Variants in TTBK2 observed in about 807,000 individuals in gnomAD.
TTBK2 encodes tau-tubulin kinase 2.
Under a neutral mutation model 110.8 loss-of-function variants are expected in TTBK2, and 28 were observed. The observed-to-expected ratio is 0.25, with a 90% confidence interval of 0.19 to 0.35. The LOEUF (loss-of-function observed/expected upper bound fraction) is 0.35, where lower values mean the gene tolerates loss of function less well. Among genes scored for constraint, TTBK2 ranks in the 10% least tolerant of loss-of-function variants. The probability of loss-of-function intolerance (pLI) is 1.00; values close to 1 mark genes in which losing one functional copy is unlikely to be tolerated. For missense variants in TTBK2, 1,369 were observed against 1,500.3 expected, an observed-to-expected ratio of 0.91 and a Z score of 1.45; for synonymous variants, 532 against 527.3, an observed-to-expected ratio of 1.01 and a Z score of -0.12.
Position 42,783,448 on chromosome 15 carries a change from TG to T in TTBK2, c.1167del (p.Asn389LysfsTer5). 6.2e-7 allele frequency: 1 copy of T among 1,614,180 alleles called. No individual in the cohort carries two copies. Among genetic ancestry groups the T allele is most frequent in the Non-Finnish European group, 8.5e-7 (1 of 1,180,006 alleles). On this transcript the variant is annotated frameshift_variant, in exon 11 of 15. Coordinates refer to ENST00000267890, the MANE Select transcript of TTBK2 (RefSeq NM_173500.4). LOFTEE classifies it high-confidence loss of function. ...EKDVWEEMDA[N>X]KNKIKLGICK... is the part of the protein sequence containing the mutation. ...CAAATTCCAAGCTTTATCTTGTTTTTGTTGGCATCCATCTCTTCCCAAACAT... is the reference window on the plus strand; with the variant it reads ...CAAATTCCAAGCTTTATCTTGTTTTTTTGGCATCCATCTCTTCCCAAACAT...
In TTBK2 at chr15:42,878,656, C is replaced by T; in HGVS notation, c.-39G>A. 6.2e-7 allele frequency: 1 copy of T among 1,613,620 alleles called. No homozygotes were observed. On this transcript the variant is annotated 5_prime_UTR_variant, in exon 2 of 15. An upstream open reading frame in the 5' UTR gains an earlier in-frame stop. Coordinates refer to ENST00000267890, the MANE Select transcript of TTBK2 (RefSeq NM_173500.4). ...TATGGTAGAACAGCTACACAGGCAT[C>T]CAGTTCCCAAGGGTGGTTTCCATTT...
Position 42,752,500 on chromosome 15 carries a change from G to T in TTBK2, c.2746C>A (p.Leu916Ile), listed in dbSNP as rs371807025. Reference protein sequence around the residue: ...REKITPRNGELFHCVSENEHG... With the variant: ...REKITPRNGEIFHCVSENEHG... Reference sequence around the variant, plus strand: ...TCATTCTCTGAAACACAATGAAATAGTTCTCCATTTCTAGGGGTGATTTTC... The same window carrying T: ...TCATTCTCTGAAACACAATGAAATATTTCTCCATTTCTAGGGGTGATTTTC... Residue 916 changes from leucine to isoleucine, a missense_variant, in exon 14 of 15, where the codon CTA (leucine) becomes ATA (isoleucine). Physicochemically the swap from Leu to Ile is conservative, Grantham distance 5. Coordinates refer to ENST00000267890, the MANE Select transcript of TTBK2 (RefSeq NM_173500.4). 4.9e-5 allele frequency: 79 copies of T among 1,614,076 alleles called. No individual in the cohort carries two copies. Among genetic ancestry groups the T allele is most frequent in the Non-Finnish European group, 6.4e-5 (75 of 1,180,044 alleles).
intron 13 of TTBK2, among the ~76,000 whole-genome samples, chr15:42,763,175 T>TATATAC (rs1567008942): frequency 2.1e-4 from 4 of 19,066 alleles, no homozygotes; most frequent in South Asian, 1.6e-3. Flanking sequence ...TATATATATA[T>TATATAC]ATATATATAT....
intron 4 of TTBK2, among the ~76,000 whole-genome samples, chr15:42,838,353 GGTGTGTGT>G (rs376921873): frequency 2.2e-3 from 327 of 148,032 alleles, no homozygotes; most frequent in African/African-American, 7.7e-3. Context: ...TATAATTCAG[GGTGTGTGT>G]GTGTGTGTGT....
In TTBK2 at chr15:42,797,906, C is replaced by T. The variant is rs774012430; in HGVS notation, c.823-3105G>A. Among the ~76,000 whole-genome samples the T allele has an allele frequency of 2.6e-5, 4 of 151,758 alleles. No homozygotes were observed. In the South Asian group the frequency reaches 6.2e-4, roughly 24 times the overall value. ...TATTTTTATTTATTTATTTTTGAGA[C>T]GGAGTCTCACTTTCTTGCCCAGGCT... On this transcript the variant is annotated intron_variant, in intron 9 of 14. Transcript: ENST00000267890.
chr15:42,778,324 T>C (rs139650811), intron 11 of TTBK2, among the ~76,000 whole-genome samples: 1 of 150,558 alleles, frequency 6.6e-6, no homozygotes, highest in Non-Finnish European at 1.5e-5. Flanking sequence ...TTGAAATTAT[T>C]AATTAGTGAA....
chr15:42,773,944 G>C (rs1249205507), intron 13 of TTBK2, among the ~76,000 whole-genome samples: 1 of 152,196 alleles, frequency 6.6e-6, no homozygotes, highest in East Asian at 1.9e-4. Flanking sequence ...GTCTGGGGTA[G>C]ATTTCAGCCC....
At chr15:42,902,014 G>C (rs957320537) in intron 1 of TTBK2, among the ~76,000 whole-genome samples, 1 of 151,950 alleles carries the variant, frequency 6.6e-6, no homozygotes, top group Admixed American at 6.6e-5. Flanking sequence ...TCAGGAGTTC[G>C]AGACCATCCT....
chr15:42,786,133 GAAA>G (rs11299124), intron 10 of TTBK2, among the ~76,000 whole-genome samples: 4 of 150,180 alleles, frequency 2.7e-5, no homozygotes, highest in African/African-American at 7.4e-5. Context: ...AAAAAAGAAA[GAAA>G]AAAAAAAAAA....
At chr15:42,811,122 C>T (rs1404165708) in intron 8 of TTBK2, among the ~76,000 whole-genome samples, 7 of 152,250 alleles carry the variant, frequency 4.6e-5, no homozygotes, top group African/African-American at 1.7e-4. Flanking sequence ...TCCCAAATAG[C>T]TGGGACTATA....
chr15:42,814,163 A>C (rs1291685012), intron 7 of TTBK2, among the ~76,000 whole-genome samples: 2 of 152,060 alleles, frequency 1.3e-5, no homozygotes, highest in African/African-American at 4.8e-5. Flanking sequence ...CTGAGATTAC[A>C]GGCGCCCGCC....
chr15:42,747,398 C>G (rs541554169), intron 14 of TTBK2, among the ~76,000 whole-genome samples: 73 of 152,300 alleles, frequency 4.8e-4, no homozygotes, highest in Non-Finnish European at 9.3e-4. Flanking sequence ...AACTACAAAG[C>G]AGTGGTCCCC....
chr15:42,755,614 T>C (rs993089046), intron 13 of TTBK2, among the ~76,000 whole-genome samples: 4 of 152,236 alleles, frequency 2.6e-5, no homozygotes, highest in Admixed American at 1.3e-4. Flanking sequence ...GCTAAACTCT[T>C]AGAATAAGCA....
intron 1 of TTBK2, among the ~76,000 whole-genome samples, chr15:42,887,373 A>G (rs962916346): frequency 2.6e-5 from 4 of 152,096 alleles, no homozygotes; most frequent in Non-Finnish European, 2.9e-5. Flanking sequence ...CCACAAGTAT[A>G]GGATACCTCT....
At chr15:42,906,418 CTAATA>C in intron 1 of TTBK2, among the ~76,000 whole-genome samples, 1 of 152,256 alleles carries the variant, frequency 6.6e-6, no homozygotes, top group African/African-American at 2.4e-5. Context: ...AATTACCATA[CTAATA>C]TGATTACAAA....
chr15:42,754,908 T>C (rs979004256), intron 13 of TTBK2, among the ~76,000 whole-genome samples: 1 of 148,048 alleles, frequency 6.8e-6, no homozygotes, highest in African/African-American at 2.5e-5. Flanking sequence ...CTCAGGAGGC[T>C]GAGGCAGGAG....
intron 3 of TTBK2, among the ~76,000 whole-genome samples, chr15:42,872,263 T>C (rs1894643537): frequency 1.3e-5 from 2 of 152,130 alleles, no homozygotes; most frequent in Non-Finnish European, 2.9e-5. Flanking sequence ...AAGACTTGAG[T>C]AGAGACAACT....
intron 11 of TTBK2, among the ~76,000 whole-genome samples, chr15:42,782,225 C>T (rs1041669750): frequency 3.9e-5 from 6 of 152,136 alleles, no homozygotes; most frequent in Non-Finnish European, 7.4e-5. Flanking sequence ...GCACCCACCA[C>T]CAAACCCTGC....
intron 13 of TTBK2, among the ~76,000 whole-genome samples, chr15:42,757,873 A>G (rs1185483292): frequency 1.3e-5 from 2 of 152,148 alleles, no homozygotes; most frequent in Non-Finnish European, 2.9e-5. Context: ...AAGGATCTCA[A>G]TATTTTCCAT....
Sources: gnomAD v4.1 joint callset for allele counts (sites outside exome capture counted in the v4.1 genomes callset) on GRCh38, gnomAD v4.1.1 for gene constraint, MANE v1.5 for transcripts, NCBI Gene and HGNC (gene_info 2026-07-23, HGNC 2026-07-21) for gene names.